HPS3: variants seen among roughly 807,000 people sequenced by gnomAD.
The protein encoded by HPS3 is BLOC-2 complex member HPS3.
In HPS3, 79 loss-of-function variants were observed where a neutral mutation model predicts 110.9. That is an observed-to-expected ratio of 0.71 (90% CI 0.59 to 0.86). The LOEUF (loss-of-function observed/expected upper bound fraction) is 0.86, where lower values mean the gene tolerates loss of function less well. HPS3 is among the 40% of genes least tolerant of loss of function. The pLI, the probability that HPS3 is intolerant of heterozygous loss-of-function variation, is 0.00. For synonymous variants in HPS3, 428 were observed against 451.0 expected (o/e 0.95, Z 0.65); for missense variants, 1,197 against 1,206.2 (o/e 0.99, Z 0.11).
Position 149,167,161 on chromosome 3 carries a change from A to G in HPS3, c.2717A>G (p.Gln906Arg). The G allele has an allele frequency of 6.2e-7, 1 of 1,614,050 alleles. No individual in the cohort carries two copies. The highest frequency in any genetic ancestry group is 1.3e-5 in the African/African-American group (1 of 75,074). Residue 906 changes from glutamine (Q) to arginine (R), a missense_variant, in exon 15 of 17, where the codon CAG becomes CGG. By Grantham distance (43) the Gln-to-Arg change is conservative. Transcript: ENST00000296051. ...CGTACACGCTTGAAAGAGTATGAAC[A>G]GTGCATAGACATACTGTTAGAGAGA... Reference protein sequence around the residue: ...LCRTRLKEYEQCIDILLERCP... With the variant: ...LCRTRLKEYERCIDILLERCP...
At chr3:149,139,907 C>A in intron 1 of HPS3, 97 bp from the exon 2 acceptor site, 2 of 1,151,956 alleles carry the variant, frequency 1.7e-6, no homozygotes, top group Non-Finnish European at 2.5e-6. Flanking sequence ...TTAATTCGAC[C>A]ATTTGTGTTA....
chr3:149,146,194 G>A (rs1378561915), intron 5 of HPS3, among the ~76,000 whole-genome samples: 3 of 152,176 alleles, frequency 2.0e-5, no homozygotes, highest in Non-Finnish European at 2.9e-5. Context: ...CTTAGATTAT[G>A]TTCAGGGCAC....
intron 4 of HPS3, among the ~76,000 whole-genome samples, chr3:149,144,844 A>G (rs1332423538): frequency 2.8e-4 from 43 of 152,216 alleles, no homozygotes; most frequent in Non-Finnish European, 5.9e-5. Flanking sequence ...ACAAAAATGT[A>G]TATAATATTA....
rs2108128257 is a variant in HPS3 at position 149,140,220 on chromosome 3, AAGG to A, written c.437_439del (p.Gly146del). ...TTGTGCATTTCCTGTTGCCCTGTGA[AAGG>A]AGACCTTCTCGTTGGCTGCACAAAT... On this transcript the variant is annotated inframe_deletion, in exon 2 of 17. Transcript: ENST00000296051. The A allele has an allele frequency of 6.2e-7, 1 of 1,614,172 alleles. No homozygotes were observed. Among genetic ancestry groups the A allele is most frequent in the Non-Finnish European group, 8.5e-7 (1 of 1,180,024 alleles).
intron 1 of HPS3, among the ~76,000 whole-genome samples, chr3:149,136,599 G>C (rs949151407): frequency 1.3e-5 from 2 of 152,136 alleles, no homozygotes; most frequent in Non-Finnish European, 2.9e-5. Context: ...TACTTTGCTT[G>C]TCTGTGCTTC....
chr3:149,135,644 C>T (rs1722041733), intron 1 of HPS3, among the ~76,000 whole-genome samples: 1 of 152,192 alleles, frequency 6.6e-6, no homozygotes, highest in Non-Finnish European at 1.5e-5. Context: ...TGAAAATGGA[C>T]TAATACAGTG....
At position 149,131,136 on chromosome 3, in the gene HPS3, A is replaced by G. The variant is rs78985718; in HGVS notation, c.217+1196A>G. On this transcript the variant is annotated intron_variant, in intron 1 of 16. Coordinates refer to ENST00000296051, the MANE Select transcript of HPS3 (RefSeq NM_032383.5). ...TGAGTTTATGTTAAAAAAAAAAAAAAAAAACAAAAAGTTGAATAAATAGAT... is the reference window on the plus strand; with the variant it reads ...TGAGTTTATGTTAAAAAAAAAAAAAGAAAACAAAAAGTTGAATAAATAGAT... Among the ~76,000 whole-genome samples the G allele has an allele frequency of 3.5e-4, 52 of 150,376 alleles. No homozygotes were observed. In the East Asian group the frequency reaches 4.5e-3, roughly 13 times the overall value.
chr3:149,140,133 C>T lies in HPS3; in HGVS notation c.347C>T (p.Pro116Leu). 7.4e-6 allele frequency: 12 copies of T among 1,613,830 alleles called. No individual in the cohort carries two copies. Among genetic ancestry groups the T allele is most frequent in the Non-Finnish European group, 9.3e-6 (11 of 1,179,800 alleles). The change falls in exon 2 of 17, where the codon CCA becomes CTA. Residue 116 changes from proline to leucine, a missense_variant. Physicochemically the swap from Pro to Leu is moderately conservative, Grantham distance 98 (BLOSUM62 -3). Coordinates refer to ENST00000296051, the MANE Select transcript of HPS3 (RefSeq NM_032383.5). Reference sequence around the variant, plus strand: ...ATGATTGGGCATAATGTGGAGGGACCATTCAGCAAAGCCTTCAGAGACCAG... The same window carrying T: ...ATGATTGGGCATAATGTGGAGGGACTATTCAGCAAAGCCTTCAGAGACCAG... ...IRMIGHNVEGPFSKAFRDQMY... is the reference protein window; with the variant it reads ...IRMIGHNVEGLFSKAFRDQMY...
At chr3:149,158,215 T>G (rs1723575188) in intron 9 of HPS3, among the ~76,000 whole-genome samples, 2 of 152,214 alleles carry the variant, frequency 1.3e-5, no homozygotes, top group Non-Finnish European at 2.9e-5. Context: ...CAGACTTACT[T>G]GATCCACATG....
intron 1 of HPS3, among the ~76,000 whole-genome samples, chr3:149,139,270 A>C (rs1722292822): frequency 6.6e-6 from 1 of 152,244 alleles, no homozygotes; most frequent in African/African-American, 2.4e-5. Context: ...ATTGTTAAAT[A>C]TATTTAATAT....
Position 149,172,334 on chromosome 3 carries a change from A to T in HPS3, c.*112A>T. The T allele has an allele frequency of 1.4e-6, 1 of 692,818 alleles. No individual in the cohort carries two copies. Among genetic ancestry groups the T allele is most frequent in the Non-Finnish European group, 2.5e-6 (1 of 396,796 alleles). 42.9% of individuals were successfully genotyped at this position (692,818 alleles called of 1,614,324 possible). On this transcript the variant is annotated 3_prime_UTR_variant, in exon 17 of 17. Transcript: ENST00000296051. ...TTTTATATATCACACACACACACAC[A>T]CACACACACACACACACACACATAT... is the stretch of plus-strand genomic sequence containing the variant.
chr3:149,142,910 G>A (rs1040803637), intron 4 of HPS3, among the ~76,000 whole-genome samples: 5 of 152,152 alleles, frequency 3.3e-5, no homozygotes, highest in African/African-American at 1.2e-4. Flanking sequence ...CTGAGAAAGA[G>A]GATCTGAAGG....
chr3:149,132,881 T>C (rs886509637), intron 1 of HPS3, among the ~76,000 whole-genome samples: 9 of 152,218 alleles, frequency 5.9e-5, no homozygotes, highest in Admixed American at 5.9e-4. Context: ...CATGGATGAC[T>C]TTGAGGGGTT....
chr3:149,130,443 T>C (rs1011020187), intron 1 of HPS3: 1 of 161,320 alleles, frequency 6.2e-6, no homozygotes, highest in African/African-American at 2.4e-5. Context: ...TGTGTTGATT[T>C]TTAAATGTGT....
chr3:149,159,394 C>T (rs965493272), intron 10 of HPS3, among the ~76,000 whole-genome samples: 84 of 152,240 alleles, frequency 5.5e-4, no homozygotes, highest in African/African-American at 1.9e-3. Flanking sequence ...AAGATCCCAT[C>T]TCTACAGAAA....
rs57667789 is a variant in HPS3 at position 149,131,122 on chromosome 3, T to TAAA, written c.217+1198_217+1200dup. On this transcript the variant is annotated intron_variant, in intron 1 of 16. Transcript: ENST00000296051. ...GAAACCTTGGGGTCTGAGTTTATGT[T>TAAA]AAAAAAAAAAAAAAAAAACAAAAAG... Among the ~76,000 whole-genome samples the TAAA allele has an allele frequency of 5.0e-4, 69 of 138,732 alleles. 2 individuals are homozygous for TAAA. The highest frequency in any genetic ancestry group is 1.7e-3 in the African/African-American group (60 of 36,062). The allele number at this position is 138,732 out of a possible 152,430, so 91.0% of individuals were successfully genotyped here. A position where few individuals can be genotyped will look rare whatever the true frequency, so the allele number is the denominator to read the frequency against.
chr3:149,172,394 G>A lies in HPS3; in HGVS notation c.*172G>A, dbSNP rs34511277. On this transcript the variant is annotated 3_prime_UTR_variant, in exon 17 of 17. Coordinates refer to ENST00000296051, the MANE Select transcript of HPS3 (RefSeq NM_032383.5). Reference sequence around the variant, plus strand: ...ATGCTTTCAGGCTGCTTACCTTACCGTGTAGTGGTAACTATTCACTTCTTA... The same window carrying A: ...ATGCTTTCAGGCTGCTTACCTTACCATGTAGTGGTAACTATTCACTTCTTA... 0.099 allele frequency: 56,269 copies of A among 566,306 alleles called. 3,232 individuals are homozygous for A. The highest frequency in any genetic ancestry group is 0.18 in the African/African-American group (9,232 of 52,374). 35.1% of individuals were successfully genotyped at this position (566,306 alleles called of 1,614,324 possible).
chr3:149,168,157 T>G (rs1724619984), intron 16 of HPS3, 174 bp downstream of exon 16: 1 of 601,154 alleles, frequency 1.7e-6, no homozygotes, highest in Non-Finnish European at 3.0e-6. Flanking sequence ...TGATATTGAT[T>G]TATCTCCTAG....
chr3:149,171,905 C>T (rs1402806757), intron 16 of HPS3, among the ~76,000 whole-genome samples, 190 bp from the exon 17 acceptor site: 1 of 151,958 alleles, frequency 6.6e-6, no homozygotes, highest in Non-Finnish European at 1.5e-5. Context: ...CAGGGTTTCA[C>T]CATGTTGGCC....
Sources: gnomAD v4.1 joint callset for allele counts (sites outside exome capture counted in the v4.1 genomes callset) on GRCh38, gnomAD v4.1.1 for gene constraint, MANE v1.5 for transcripts, NCBI Gene and HGNC (gene_info 2026-07-23, HGNC 2026-07-21) for gene names.